ZMYM2: variants seen among roughly 807,000 people sequenced by gnomAD.
The protein encoded by ZMYM2 is zinc finger MYM-type protein 2.
A neutral mutation model predicts 162.8 loss-of-function variants in ZMYM2; 56 were observed. That is an observed-to-expected ratio of 0.34 (90% CI 0.28 to 0.43). The LOEUF (loss-of-function observed/expected upper bound fraction) is 0.43. Ranked by LOEUF, ZMYM2 falls within the 20% of genes least tolerant of loss-of-function variation. The pLI, the probability that ZMYM2 is intolerant of heterozygous loss-of-function variation, is 1.00. For synonymous variants in ZMYM2, 510 were observed against 541.6 expected (o/e 0.94, Z 0.81); for missense variants, 1,275 against 1,621.8 (o/e 0.79, Z 3.67).
At chr13:20,035,933 T>C (rs1953652091) in intron 11 of ZMYM2, among the ~76,000 whole-genome samples, 1 of 152,138 alleles carries the variant, frequency 6.6e-6, no homozygotes, top group South Asian at 2.1e-4. Context: ...ACATAAATGA[T>C]TGCTAAATAA....
chr13:20,034,187 A>G (rs1156575052), intron 10 of ZMYM2, 67 bp from the exon 11 acceptor site: 1 of 1,311,514 alleles, frequency 7.6e-7, no homozygotes, highest in Non-Finnish European at 1.0e-6. Flanking sequence ...TTGCTTCTGT[A>G]AAAGTGGCGT....
chr13:20,007,019 C>G lies in ZMYM2; in HGVS notation c.1512+433C>G, dbSNP rs528130777. The stretch of plus-strand genomic sequence containing the variant: ...AATGGTAAATGCTATCAGAATGATT[C>G]CTCTTTTGAATTTATTTCCTCTTTG... On this transcript the variant is annotated intron_variant, in intron 6 of 24. Coordinates refer to ENST00000610343, the MANE Select transcript of ZMYM2 (RefSeq NM_197968.4). 3.9e-5 allele frequency among the ~76,000 whole-genome samples: 6 copies of G among 152,236 alleles called. 1 individual carries two copies. The highest frequency in any genetic ancestry group is 1.4e-4 in the African/African-American group (6 of 41,532).
chr13:20,027,139 TTAAGA>T lies in ZMYM2; in HGVS notation c.1736-60_1736-56del, dbSNP rs1480315319. ...ACAGAAACTTCTATGATCTCAGTAG[TTAAGA>T]TAAAAAAACTTTTTTATTACTTTAT... On this transcript the variant is annotated intron_variant, in intron 8 of 24. Coordinates refer to ENST00000610343, the MANE Select transcript of ZMYM2 (RefSeq NM_197968.4). 4.3e-6 allele frequency: 5 copies of T among 1,154,050 alleles called. No homozygotes were observed. The African/African-American group carries it at 6.3e-5, about 15-fold the overall frequency. The allele number at this position is 1,154,050 out of a possible 1,614,324, so 71.5% of individuals were successfully genotyped here.
intron 2 of ZMYM2, among the ~76,000 whole-genome samples, chr13:19,972,632 G>A (rs949937767): frequency 4.9e-4 from 74 of 152,116 alleles, no homozygotes; most frequent in African/African-American, 1.4e-3. Context: ...AGATAATGCT[G>A]CAAGGAATAT....
intron 9 of ZMYM2, 91 bp from the exon 10 acceptor site, chr13:20,031,228 A>T: frequency 2.3e-6 from 2 of 877,320 alleles, no homozygotes; most frequent in Non-Finnish European, 3.5e-6. Context: ...GATGTATATT[A>T]CTTTCTGGAC....
chr13:19,895,651 A>G, the ZMYM2 span, among the ~76,000 whole-genome samples: 66 of 151,904 alleles, frequency 4.3e-4, 1 homozygote, highest in African/African-American at 9.0e-4. Flanking sequence ...AGATGAATCC[A>G]TTCATGAGGG....
At position 20,050,633 on chromosome 13, in the gene ZMYM2, G is replaced by A. The variant is rs566645892; in HGVS notation, c.2293-800G>A. ...TATTTTCGTTAAACTCATTGGTCAA[G>A]ACGTTAAGAAATAGTGAAAATGGGC... On this transcript the variant is annotated intron_variant, in intron 12 of 24. Transcript: ENST00000610343. Among the ~76,000 whole-genome samples, 7 of 152,060 alleles carry A rather than the reference G, an allele frequency of 4.6e-5. No homozygotes were observed. The South Asian group carries it at 1.0e-3, about 23-fold the overall frequency.
chr13:19,880,510 C>T, the ZMYM2 span, among the ~76,000 whole-genome samples: 1 of 152,106 alleles, frequency 6.6e-6, no homozygotes, highest in Non-Finnish European at 1.5e-5. Flanking sequence ...CTCACCACAA[C>T]CTCCGCCTCC....
the ZMYM2 span, among the ~76,000 whole-genome samples, chr13:19,941,352 G>T: frequency 6.6e-6 from 1 of 151,128 alleles, no homozygotes; most frequent in Non-Finnish European, 1.5e-5. Flanking sequence ...AGAAAGAAAA[G>T]AAAAACTTTA....
At chr13:19,886,693 G>C in the ZMYM2 span, among the ~76,000 whole-genome samples, 2 of 151,554 alleles carry the variant, frequency 1.3e-5, no homozygotes, top group African/African-American at 4.9e-5. Flanking sequence ...CTGTCACCCA[G>C]GCTGGAGTTG....
chr13:20,065,323 A>T (rs560411995), intron 19 of ZMYM2, among the ~76,000 whole-genome samples: 2 of 152,106 alleles, frequency 1.3e-5, no homozygotes, highest in Non-Finnish European at 2.9e-5. Context: ...CATAGACCTA[A>T]ATGTAAGAGC....
Position 20,058,723 on chromosome 13 carries a change from A to G in ZMYM2, c.2623+19A>G, listed in dbSNP as rs753220581. ...CAGACAGGTAACTTAGGACAATGTG[A>G]CTTACATACTTCCCCATACCTTCAT... is the stretch of plus-strand genomic sequence containing the variant. On this transcript the variant is annotated intron_variant, in intron 15 of 24. Coordinates refer to ENST00000610343, the MANE Select transcript of ZMYM2 (RefSeq NM_197968.4). 1.8e-5 allele frequency: 29 copies of G among 1,611,884 alleles called. No homozygotes were observed. Among genetic ancestry groups the G allele is most frequent in the Non-Finnish European group, 2.4e-5 (28 of 1,178,888 alleles).
chr13:19,885,936 C>CAT, the ZMYM2 span, among the ~76,000 whole-genome samples: 16 of 91,128 alleles, frequency 1.8e-4, 4 homozygotes, highest in African/African-American at 1.1e-3. Context: ...TGTGTATACA[C>CAT]ATATATATGT....
At chr13:19,886,086 C>T in the ZMYM2 span, among the ~76,000 whole-genome samples, 3 of 147,706 alleles carry the variant, frequency 2.0e-5, no homozygotes, top group African/African-American at 7.5e-5. Context: ...CTTTTATCTA[C>T]CTTTGCAAAA....
At chr13:19,866,082 C>T in the ZMYM2 span, among the ~76,000 whole-genome samples, 4 of 150,526 alleles carry the variant, frequency 2.7e-5, no homozygotes, top group African/African-American at 7.3e-5. Flanking sequence ...ATTGGCCGGG[C>T]ACAATGGCCC....
chr13:20,071,057 T>G lies in ZMYM2; in HGVS notation c.3453+3667T>G, dbSNP rs1480267938. ...AACAGTCCTTGCTAACAGTTCTAGA[T>G]CTCTGGTCCCAATGATCATATATGA... On this transcript the variant is annotated intron_variant, in intron 21 of 24. Coordinates refer to ENST00000610343, the MANE Select transcript of ZMYM2 (RefSeq NM_197968.4). 5.2e-5 allele frequency: 8 copies of G among 152,840 alleles called. No homozygotes were observed. In the Admixed American group the frequency reaches 5.2e-4, roughly 10 times the overall value. 9.5% of individuals were successfully genotyped at this position (152,840 alleles called of 1,614,324 possible). A position where few individuals can be genotyped will look rare whatever the true frequency, so the allele number is the denominator to read the frequency against.
At chr13:20,030,623 C>T (rs1433473427) in intron 9 of ZMYM2, among the ~76,000 whole-genome samples, 1 of 152,188 alleles carries the variant, frequency 6.6e-6, no homozygotes, top group Non-Finnish European at 1.5e-5. Flanking sequence ...TGGTCTCGAT[C>T]TCCTGACTTC....
At chr13:19,985,559 T>C (rs748935453) in intron 2 of ZMYM2, among the ~76,000 whole-genome samples, 2 of 152,080 alleles carry the variant, frequency 1.3e-5, no homozygotes, top group Non-Finnish European at 2.9e-5. Context: ...ATAAGAGCTG[T>C]GGCCAGGCAC....
At chr13:20,046,275 G>C (rs980445686) in intron 12 of ZMYM2, among the ~76,000 whole-genome samples, 1 of 151,478 alleles carries the variant, frequency 6.6e-6, no homozygotes, top group Non-Finnish European at 1.5e-5. Flanking sequence ...TACTGAGAGC[G>C]GTGGCTCACA....
Sources: gnomAD v4.1 joint callset for allele counts (sites outside exome capture counted in the v4.1 genomes callset) on GRCh38, gnomAD v4.1.1 for gene constraint, MANE v1.5 for transcripts, NCBI Gene and HGNC (gene_info 2026-07-23, HGNC 2026-07-21) for gene names.